Variants in PTPN3 observed in about 807,000 individuals in gnomAD.
The protein encoded by PTPN3 is protein tyrosine phosphatase non-receptor type 3, also known as tyrosine-protein phosphatase non-receptor type 3.
Under a neutral mutation model 132.7 loss-of-function variants are expected in PTPN3, and 96 were observed. The ratio of observed to expected loss-of-function variants is 0.72; its 90% CI spans 0.61 to 0.86. PTPN3 has a LOEUF of 0.86. Ranked by LOEUF, PTPN3 falls within the 40% of genes least tolerant of loss-of-function variation. The probability of loss-of-function intolerance (pLI) is 0.00; values close to 1 mark genes in which losing one functional copy is unlikely to be tolerated. For synonymous variants in PTPN3, 398 were observed against 429.0 expected, an observed-to-expected ratio of 0.93 and a Z score of 0.89; for missense variants, 1,125 against 1,159.6, an observed-to-expected ratio of 0.97 and a Z score of 0.43.
the PTPN3 span, chr9:109,533,658 C>G: frequency 2.0e-6 from 3 of 1,493,426 alleles, no homozygotes; most frequent in Non-Finnish European, 2.8e-6. Context: ...TTTCCTGCAC[C>G]CTGGTTGTCA....
chr9:109,478,208 G>A (rs1017697148), intron 1 of PTPN3, among the ~76,000 whole-genome samples: 2 of 152,230 alleles, frequency 1.3e-5, no homozygotes, highest in Non-Finnish European at 2.9e-5. Context: ...GCTACAAAGG[G>A]CGTGGACTCT....
intron 11 of PTPN3, 37 bp from the exon 12 acceptor site, chr9:109,427,159 A>T: frequency 6.2e-7 from 1 of 1,603,208 alleles, no homozygotes. Context: ...ACCCACACAG[A>T]CATAGGAGCA....
chr9:109,511,237 T>C, the PTPN3 span, among the ~76,000 whole-genome samples: 82 of 152,262 alleles, frequency 5.4e-4, no homozygotes, highest in South Asian at 2.9e-3. Context: ...TAGGGGTGAC[T>C]GTGAGCCATG....
At chr9:109,537,574 C>T in the PTPN3 span, among the ~76,000 whole-genome samples, 2 of 151,772 alleles carry the variant, frequency 1.3e-5, no homozygotes, top group Admixed American at 1.3e-4. Flanking sequence ...CTACACTCTA[C>T]TGTCACGTTG....
rs1161820626 is a variant in PTPN3 at position 109,389,387 on chromosome 9, G to A, written c.2107-8C>T. On this transcript the variant is annotated splice_polypyrimidine_tract_variant and splice_region_variant and intron_variant, in intron 21 of 25. Transcript: ENST00000374541. ...AGCAGCAGGAATTTCCATCTGGTAAGAAATTGGTAAAGTATTAGAATCTGT... is the reference window on the plus strand; with the variant it reads ...AGCAGCAGGAATTTCCATCTGGTAAAAAATTGGTAAAGTATTAGAATCTGT... 1 of 1,612,686 alleles carries A rather than the reference G, an allele frequency of 6.2e-7. No individual in the cohort carries two copies.
At chr9:109,438,313 A>G (rs1844207362) in intron 7 of PTPN3, 79 bp from the exon 8 acceptor site, 3 of 1,427,808 alleles carry the variant, frequency 2.1e-6, no homozygotes, top group East Asian at 2.3e-5. Flanking sequence ...CATCTACAGC[A>G]TCATCAGAAT....
rs139317105 is a variant in PTPN3, at chr9:109,423,233, T to A, written c.1002-381A>T. Among the ~76,000 whole-genome samples, 44 of 152,358 alleles carry A rather than the reference T, an allele frequency of 2.9e-4. No individual in the cohort carries two copies. In the East Asian group the frequency reaches 7.9e-3, roughly 27 times the overall value. Reference sequence around the variant, plus strand: ...ATATTAACCATTTTTTCAGGTGCTCTTCATCATCCTAGCTGGCAGGAGCTG... The same window carrying A: ...ATATTAACCATTTTTTCAGGTGCTCATCATCATCCTAGCTGGCAGGAGCTG... On this transcript the variant is annotated intron_variant, in intron 12 of 25. Coordinates refer to ENST00000374541, the MANE Select transcript of PTPN3 (RefSeq NM_002829.4).
intron 19 of PTPN3, among the ~76,000 whole-genome samples, chr9:109,395,644 A>G (rs947000264): frequency 2.6e-5 from 4 of 151,790 alleles, no homozygotes; most frequent in Non-Finnish European, 5.9e-5. Flanking sequence ...AAAATTAGCC[A>G]AGTGTGGTGG....
At chr9:109,413,113 A>ATTT (rs796731863) in intron 14 of PTPN3, among the ~76,000 whole-genome samples, 1 of 142,462 alleles carries the variant, frequency 7.0e-6, no homozygotes. Flanking sequence ...TGCCTGGCTA[A>ATTT]TTTTTTTTTT....
chr9:109,448,650 GTATAATAAAAACAGATGTCCAAAGC>G (rs1845021448), intron 6 of PTPN3, among the ~76,000 whole-genome samples, 136 bp downstream of exon 6: 1 of 152,120 alleles, frequency 6.6e-6, no homozygotes, highest in South Asian at 2.1e-4. Flanking sequence ...CAAGACTGAG[GTATAATAAAAACAGATGTCCAAAGC>G]CTAATGCTGT....
intron 1 of PTPN3, among the ~76,000 whole-genome samples, chr9:109,484,696 T>C (rs75344551): frequency 6.6e-6 from 1 of 152,314 alleles, no homozygotes; most frequent in East Asian, 1.9e-4. Flanking sequence ...AGCAGCACCC[T>C]TGTTTGATAT....
chr9:109,415,868 C>T (rs537699689), intron 14 of PTPN3, among the ~76,000 whole-genome samples: 3 of 152,266 alleles, frequency 2.0e-5, no homozygotes, highest in African/African-American at 4.8e-5. Flanking sequence ...ACATGAGGAG[C>T]TGAGATTGGA....
intron 1 of PTPN3, among the ~76,000 whole-genome samples, chr9:109,489,971 CAGGA>C (rs1420075446): frequency 6.6e-6 from 1 of 151,936 alleles, no homozygotes; most frequent in Non-Finnish European, 1.5e-5. Flanking sequence ...CACTTGAGGT[CAGGA>C]GTTCTAGACC....
At chr9:109,503,349 G>A in the PTPN3 span, among the ~76,000 whole-genome samples, 1 of 152,050 alleles carries the variant, frequency 6.6e-6, no homozygotes, top group East Asian at 1.9e-4. Flanking sequence ...AAGGCTCCTG[G>A]ACTCGATGAA....
chr9:109,496,011 A>G (rs1847652873), intron 1 of PTPN3, among the ~76,000 whole-genome samples: 1 of 152,248 alleles, frequency 6.6e-6, no homozygotes, highest in Non-Finnish European at 1.5e-5. Flanking sequence ...CATCTGCCAT[A>G]CAGAAGTTCA....
At chr9:109,507,602 A>G in the PTPN3 span, among the ~76,000 whole-genome samples, 1 of 152,206 alleles carries the variant, frequency 6.6e-6, no homozygotes, top group Admixed American at 6.5e-5. Flanking sequence ...TCATTGCATC[A>G]CAGTCCAAAC....
intron 5 of PTPN3, chr9:109,451,263 C>G (rs1291541708): frequency 1.0e-6 from 1 of 985,094 alleles, no homozygotes; most frequent in Non-Finnish European, 1.2e-6. Flanking sequence ...GGTGGCCCAC[C>G]AGCTCTATAA....
chr9:109,428,657 T>C lies in PTPN3; in HGVS notation c.792A>G (p.Lys264=). 6.2e-7 allele frequency: 1 copy of C among 1,613,794 alleles called. No individual in the cohort carries two copies. The highest frequency in any genetic ancestry group is 1.1e-5 in the South Asian group (1 of 91,066). Residue 264 remains lysine (K), a synonymous_variant, in exon 11 of 26, where the codon AAA becomes AAG. Coordinates refer to ENST00000374541, the MANE Select transcript of PTPN3 (RefSeq NM_002829.4). ...GCTGATGTATGAAGAACTTTTTCCTTTTGAAAGAAATTTTGAGAATGTTCA... is the reference window on the plus strand; with the variant it reads ...GCTGATGTATGAAGAACTTTTTCCTCTTGAAAGAAATTTTGAGAATGTTCA... ...PWVNILKISF[K]RKKFFIHQRQ... is the part of the protein sequence containing the mutation.
intron 1 of PTPN3, among the ~76,000 whole-genome samples, chr9:109,488,346 C>T (rs1030104376): frequency 3.9e-5 from 6 of 152,172 alleles, no homozygotes; most frequent in East Asian, 3.9e-4. Context: ...GTGATCCACC[C>T]GCCTCTGCCT....
Sources: gnomAD v4.1 joint callset for allele counts (sites outside exome capture counted in the v4.1 genomes callset) on GRCh38, gnomAD v4.1.1 for gene constraint, MANE v1.5 for transcripts, NCBI Gene and HGNC (gene_info 2026-07-23, HGNC 2026-07-21) for gene names.